Variants in PLCB4 observed in about 807,000 individuals in gnomAD.
PLCB4 encodes 1-phosphatidylinositol 4,5-bisphosphate phosphodiesterase beta-4.
PLCB4 carries 77 observed loss-of-function variants against 178.8 expected under a neutral mutation model. That is an observed-to-expected ratio of 0.43 (90% CI 0.36 to 0.52). The LOEUF is 0.52. Among genes scored for constraint, PLCB4 ranks in the 20% least tolerant of loss-of-function variants. The pLI, the probability that PLCB4 is intolerant of heterozygous loss-of-function variation, is 0.00. For synonymous variants in PLCB4, 496 were observed against 490.8 expected (o/e 1.01, Z -0.14); for missense variants, 1,024 against 1,453.4 (o/e 0.70, Z 4.80).
chr20:9,354,747 G>T (rs1397755801), intron 7 of PLCB4, among the ~76,000 whole-genome samples: 1 of 152,218 alleles, frequency 6.6e-6, no homozygotes, highest in Non-Finnish European at 1.5e-5. Context: ...CAGGAATCTG[G>T]CAAGCCCAAA....
At chr20:9,178,088 G>C (rs1185761938) in intron 2 of PLCB4, among the ~76,000 whole-genome samples, 1 of 152,190 alleles carries the variant, frequency 6.6e-6, no homozygotes, top group East Asian at 1.9e-4. Flanking sequence ...GGAGGCTGAG[G>C]CCAGTGGATC....
chr20:9,414,859 T>G (rs779632017), intron 25 of PLCB4, among the ~76,000 whole-genome samples: 3 of 152,230 alleles, frequency 2.0e-5, no homozygotes, highest in Non-Finnish European at 4.4e-5. Context: ...AAGTGAGTGA[T>G]TGATATCAAA....
chr20:9,444,394 G>T, intron 32 of PLCB4, 151 bp downstream of exon 32: 1 of 586,892 alleles, frequency 1.7e-6, no homozygotes. Context: ...ATCGGTTTGG[G>T]AGTGCTTGTC....
intron 30 of PLCB4, among the ~76,000 whole-genome samples, chr20:9,438,909 G>A (rs913281053): frequency 6.6e-6 from 1 of 152,124 alleles, no homozygotes; most frequent in South Asian, 2.1e-4. Flanking sequence ...GAAAAACAAG[G>A]AAAATGCAAA....
intron 7 of PLCB4, among the ~76,000 whole-genome samples, chr20:9,348,356 TAG>T (rs2034014486): frequency 6.6e-6 from 1 of 152,246 alleles, no homozygotes; most frequent in African/African-American, 2.4e-5. Flanking sequence ...GAAGCTAAAA[TAG>T]AGACCAGATT....
At chr20:9,378,468 G>C (rs2036860623) in intron 12 of PLCB4, among the ~76,000 whole-genome samples, 1 of 152,106 alleles carries the variant, frequency 6.6e-6, no homozygotes, top group African/African-American at 2.4e-5. Context: ...ATTCTCACCA[G>C]AAAGACGGAG....
intron 3 of PLCB4, among the ~76,000 whole-genome samples, chr20:9,244,635 G>T (rs2094105145): frequency 6.6e-6 from 1 of 152,140 alleles, no homozygotes. Flanking sequence ...GTCTGTTCAG[G>T]ACTTTACTGT....
At chr20:9,364,111 G>A (rs2035578495) in intron 8 of PLCB4, among the ~76,000 whole-genome samples, 1 of 152,182 alleles carries the variant, frequency 6.6e-6, no homozygotes, top group South Asian at 2.1e-4. Flanking sequence ...TTTTAGTGGA[G>A]GAAAGTTATT....
intron 4 of PLCB4, among the ~76,000 whole-genome samples, chr20:9,321,387 A>G (rs979437515): frequency 1.2e-4 from 19 of 152,238 alleles, no homozygotes; most frequent in Non-Finnish European, 2.1e-4. Flanking sequence ...GAAGATATAT[A>G]TGATGTATAA....
Position 9,336,731 on chromosome 20 carries a change from C to CA in PLCB4, c.85-383dup, listed in dbSNP as rs66471977. Among the ~76,000 whole-genome samples, 671 of 120,602 alleles carry CA rather than the reference C, an allele frequency of 5.6e-3. 3 individuals carry two copies. Among genetic ancestry groups the CA allele is most frequent in the African/African-American group, 8.2e-3 (274 of 33,472 alleles). The allele number at this position is 120,602 out of a possible 152,430, so 79.1% of individuals were successfully genotyped here. On this transcript the variant is annotated intron_variant, in intron 4 of 39. Transcript: ENST00000378473. ...ATATCTGAATGCTAGATTTTACAGA[C>CA]AAAAAAAAAAAAGAAAAAAAACACA...
chr20:9,446,258 G>C (rs2042407367), intron 32 of PLCB4, among the ~76,000 whole-genome samples: 1 of 152,212 alleles, frequency 6.6e-6, no homozygotes, highest in Admixed American at 6.5e-5. Flanking sequence ...CCAAAATCAA[G>C]AGTCCAGAAT....
chr20:9,193,795 A>T (rs556614460), intron 2 of PLCB4, among the ~76,000 whole-genome samples: 1 of 152,324 alleles, frequency 6.6e-6, no homozygotes, highest in South Asian at 2.1e-4. Context: ...TCTTGAAAAC[A>T]TTATAACTTT....
At chr20:9,206,299 C>CTTTTTTTTTTTTT (rs71184138) in intron 2 of PLCB4, among the ~76,000 whole-genome samples, 59 of 96,062 alleles carry the variant, frequency 6.1e-4, no homozygotes, top group Non-Finnish European at 9.7e-4. Context: ...TTTCTTTTTT[C>CTTTTTTTTTTTTT]TTTTTTTTTT....
At position 9,092,815 on chromosome 20, in the gene PLCB4, T is replaced by C. The variant is rs73600220; in HGVS notation, c.-134-3472T>C. ...GAGCTATTTCCAGGAAATGAGGGAT[T>C]GGGACTTGTTTACATCATGAGAATG... On this transcript the variant is annotated intron_variant, in intron 1 of 39. Coordinates refer to ENST00000378473, the MANE Select transcript of PLCB4 (RefSeq NM_001377142.1). Among the ~76,000 whole-genome samples, 135 of 152,234 alleles carry C rather than the reference T, an allele frequency of 8.9e-4. 4 individuals are homozygous for C. In the East Asian group the frequency reaches 0.022, roughly 25 times the overall value.
At chr20:9,446,984 T>C (rs1380335390) in intron 32 of PLCB4, among the ~76,000 whole-genome samples, 1 of 152,194 alleles carries the variant, frequency 6.6e-6, no homozygotes, top group Non-Finnish European at 1.5e-5. Context: ...ATGTGGTGAA[T>C]CTATTACCAT....
chr20:9,303,351 C>T (rs1191909759), intron 3 of PLCB4, among the ~76,000 whole-genome samples: 1 of 152,198 alleles, frequency 6.6e-6, no homozygotes, highest in Non-Finnish European at 1.5e-5. Context: ...TCCCCCTACC[C>T]TCAGCCTTTG....
chr20:9,069,370 C>A (rs1359983144), intron 1 of PLCB4, among the ~76,000 whole-genome samples, 164 bp downstream of exon 1: 1 of 152,014 alleles, frequency 6.6e-6, no homozygotes, highest in Non-Finnish European at 1.5e-5. Flanking sequence ...CCTGTGCGCG[C>A]GGGAGGCAGG....
chr20:9,174,139 T>A (rs2093113843), intron 2 of PLCB4, among the ~76,000 whole-genome samples: 1 of 152,110 alleles, frequency 6.6e-6, no homozygotes, highest in Admixed American at 6.6e-5. Flanking sequence ...TGTTTTGTTT[T>A]GTTTTGTTTT....
At chr20:9,410,928 G>A (rs145190431) in intron 24 of PLCB4, 109 bp from the exon 25 acceptor site, 10 of 725,426 alleles carry the variant, frequency 1.4e-5, no homozygotes, top group Non-Finnish European at 2.2e-5. Flanking sequence ...GTATTAAAGA[G>A]GGACCTGTGG....
Sources: gnomAD v4.1 joint callset for allele counts (sites outside exome capture counted in the v4.1 genomes callset) on GRCh38, gnomAD v4.1.1 for gene constraint, MANE v1.5 for transcripts, NCBI Gene and HGNC (gene_info 2026-07-23, HGNC 2026-07-21) for gene names.